UBASH3B: variants seen among roughly 807,000 people sequenced by gnomAD.
The protein encoded by UBASH3B is ubiquitin-associated and SH3 domain-containing protein B.
A neutral mutation model predicts 83.4 loss-of-function variants in UBASH3B; 37 were observed. The observed-to-expected ratio is 0.44, with a 90% CI of 0.34 to 0.58. UBASH3B has a LOEUF of 0.58. UBASH3B is among the 20% of genes least tolerant of loss of function. The pLI, the probability that UBASH3B is intolerant of heterozygous loss-of-function variation, is 0.01. For synonymous variants in UBASH3B, 304 were observed against 318.3 expected, an observed-to-expected ratio of 0.96 and a Z score of 0.48; for missense variants, 657 against 827.2, an observed-to-expected ratio of 0.79 and a Z score of 2.52.
At chr11:122,778,310 C>T (rs1475848918) in intron 3 of UBASH3B, among the ~76,000 whole-genome samples, 1 of 152,156 alleles carries the variant, frequency 6.6e-6, no homozygotes, top group Non-Finnish European at 1.5e-5. Context: ...TCTTAGTCAT[C>T]CCAGGATCTT....
intron 1 of UBASH3B, among the ~76,000 whole-genome samples, chr11:122,713,762 AT>A (rs1312222170): frequency 2.0e-5 from 3 of 149,952 alleles, no homozygotes; most frequent in African/African-American, 4.9e-5. Flanking sequence ...AAAAAAAAAA[AT>A]GAATGTTCAG....
intron 13 of UBASH3B, 111 bp downstream of exon 13, chr11:122,808,287 T>C (rs1861377970): frequency 1.1e-6 from 1 of 872,324 alleles, no homozygotes; most frequent in Non-Finnish European, 2.0e-6. Flanking sequence ...GAGCTGGGAA[T>C]ATTCATTTAT....
chr11:122,808,030 AG>A (rs1210798882), intron 12 of UBASH3B, 36 bp from the exon 13 acceptor site: 1 of 1,514,632 alleles, frequency 6.6e-7, no homozygotes, highest in African/African-American at 1.4e-5. Flanking sequence ...ATGTCTTTAT[AG>A]AAACAGTCTT....
chr11:122,680,163 A>G (rs1404480331), intron 1 of UBASH3B, among the ~76,000 whole-genome samples: 1 of 152,180 alleles, frequency 6.6e-6, no homozygotes, highest in Non-Finnish European at 1.5e-5. Context: ...TGTGAAAACC[A>G]TCTTAGCTCA....
intron 1 of UBASH3B, among the ~76,000 whole-genome samples, chr11:122,710,877 T>C (rs1204992510): frequency 6.6e-6 from 1 of 151,992 alleles, no homozygotes; most frequent in African/African-American, 2.4e-5. Flanking sequence ...GGGGTGGAGA[T>C]GGTAGAGCAG....
intron 6 of UBASH3B, among the ~76,000 whole-genome samples, chr11:122,794,267 G>T (rs1861112949): frequency 6.6e-6 from 1 of 152,062 alleles, no homozygotes; most frequent in Non-Finnish European, 1.5e-5. Flanking sequence ...GTGCAGTGGT[G>T]CGATCTTGGC....
At chr11:122,710,766 G>A (rs1864180848) in intron 1 of UBASH3B, among the ~76,000 whole-genome samples, 1 of 151,876 alleles carries the variant, frequency 6.6e-6, no homozygotes, top group African/African-American at 2.4e-5. Context: ...TGGGAACACA[G>A]AAAGCCCATG....
chr11:122,808,082 T>A lies in UBASH3B; in HGVS notation c.1718T>A (p.Ile573Asn), dbSNP rs919238673. The A allele has an allele frequency of 6.2e-7, 1 of 1,614,004 alleles. No homozygotes were observed. Among genetic ancestry groups the A allele is most frequent in the Non-Finnish European group, 8.5e-7 (1 of 1,179,962 alleles). ...TTTCCCCCAGGAAATAACATCCTGA[T>A]TGTGGCCCACGCATCTTCCCTTGAA... ...ECKSKGNNILIVAHASSLEAC... is the reference protein window; with the variant it reads ...ECKSKGNNILNVAHASSLEAC... Residue 573 changes from isoleucine (I) to asparagine (N), a missense_variant, in exon 13 of 14, where the codon ATT becomes AAT. By Grantham distance (149) the Ile-to-Asn change is moderately radical (BLOSUM62 -3). Transcript: ENST00000284273.
At chr11:122,718,384 T>C (rs10736526) in intron 1 of UBASH3B, among the ~76,000 whole-genome samples, 117,877 of 152,136 alleles carry the variant, frequency 0.77, 45,884 homozygotes, top group East Asian at 0.92. Flanking sequence ...TGCATGGCAT[T>C]GGGTACTAGT....
chr11:122,799,700 C>T (rs1373272891), intron 10 of UBASH3B, among the ~76,000 whole-genome samples: 1 of 152,136 alleles, frequency 6.6e-6, no homozygotes, highest in Non-Finnish European at 1.5e-5. Context: ...CAAGGGTGCT[C>T]TTAGGAGCCT....
At chr11:122,657,331 G>T (rs895594281) in intron 1 of UBASH3B, among the ~76,000 whole-genome samples, 2 of 151,900 alleles carry the variant, frequency 1.3e-5, no homozygotes, top group African/African-American at 4.8e-5. Flanking sequence ...GAGTCTCGCT[G>T]TGTCGCCAGG....
chr11:122,796,256 C>G lies in UBASH3B; in HGVS notation c.1214C>G (p.Ser405Cys). Residue 405 changes from serine to cysteine, a missense_variant, in exon 8 of 14, where the codon TCC becomes TGC. Physicochemically the swap from Ser to Cys is moderately radical, Grantham distance 112. This residue lies in a region of UBASH3B where 573 missense variants were observed against 739.0 expected (regional missense o/e 0.78). Transcript: ENST00000284273. ...MDVVFGKYWL[S>C]QCFDAKGRYI... The stretch of plus-strand genomic sequence containing the variant: ...GTTGTGTTTGGGAAGTACTGGCTGT[C>G]CCAGTGCTTCGATGCCAAAGGTGAG... The G allele has an allele frequency of 6.2e-7, 1 of 1,614,118 alleles. No homozygotes were observed. The highest frequency in any genetic ancestry group is 8.5e-7 in the Non-Finnish European group (1 of 1,179,988).
At chr11:122,796,112 CT>C (rs1324377593) in intron 7 of UBASH3B, 43 bp from the exon 8 acceptor site, 1 of 1,608,162 alleles carries the variant, frequency 6.2e-7, no homozygotes, top group East Asian at 2.2e-5. Flanking sequence ...GACATGTCCA[CT>C]TTGCCATGTG....
At chr11:122,670,690 G>A (rs929504487) in intron 1 of UBASH3B, among the ~76,000 whole-genome samples, 11 of 152,124 alleles carry the variant, frequency 7.2e-5, no homozygotes, top group African/African-American at 2.7e-4. Context: ...AAGTCTTCTG[G>A]TAAGAGTGTG....
intron 3 of UBASH3B, among the ~76,000 whole-genome samples, chr11:122,778,569 T>TC (rs397812255): frequency 1.7e-3 from 250 of 151,236 alleles, no homozygotes; most frequent in African/African-American, 5.4e-3. Flanking sequence ...TTTTTTTTTT[T>TC]CACAAGCAAG....
rs188760068 is a variant in UBASH3B at position 122,777,850 on chromosome 11, C to T, written c.402+640C>T. On this transcript the variant is annotated intron_variant, in intron 3 of 13. Transcript: ENST00000284273. ...ATTCAAGCGATTCTCCTGCCTCAGCCTCCCAAGTGGCTGTGATTACAGGCA... is the reference window on the plus strand; with the variant it reads ...ATTCAAGCGATTCTCCTGCCTCAGCTTCCCAAGTGGCTGTGATTACAGGCA... 4.1e-3 allele frequency among the ~76,000 whole-genome samples: 629 copies of T among 152,278 alleles called. 1 individual carries two copies. Among genetic ancestry groups the T allele is most frequent in the African/African-American group, 0.014 (598 of 41,550 alleles).
At chr11:122,797,555 G>A (rs898485390) in intron 9 of UBASH3B, among the ~76,000 whole-genome samples, 3 of 152,202 alleles carry the variant, frequency 2.0e-5, no homozygotes, top group Non-Finnish European at 4.4e-5. Context: ...ACCCAAGTGT[G>A]AGTCAGGGAA....
At chr11:122,677,071 A>G (rs1319179906) in intron 1 of UBASH3B, among the ~76,000 whole-genome samples, 3 of 152,324 alleles carry the variant, frequency 2.0e-5, no homozygotes, top group Non-Finnish European at 4.4e-5. Context: ...AATCAAAAAT[A>G]TTGGGGGGAA....
chr11:122,723,191 T>A (rs552816644), intron 1 of UBASH3B, among the ~76,000 whole-genome samples: 1 of 152,316 alleles, frequency 6.6e-6, no homozygotes, highest in South Asian at 2.1e-4. Context: ...AAAAAAATCC[T>A]TTGTCATTTC....
Sources: gnomAD v4.1 joint callset for allele counts (sites outside exome capture counted in the v4.1 genomes callset) on GRCh38, gnomAD v4.1.1 for gene constraint, gnomAD v4.1.1 regional missense constraint, MANE v1.5 for transcripts, NCBI Gene and HGNC (gene_info 2026-07-23, HGNC 2026-07-21) for gene names.